ATRNL1: variants seen among roughly 807,000 people sequenced by gnomAD.
The protein encoded by ATRNL1 is attractin like 1.
A neutral mutation model predicts 182.7 loss-of-function variants in ATRNL1; 95 were observed. The ratio of observed to expected loss-of-function variants is 0.52; its 90% confidence interval spans 0.44 to 0.62. The LOEUF is 0.62. Among genes scored for constraint, ATRNL1 ranks in the 20% least tolerant of loss-of-function variants. The probability of loss-of-function intolerance (pLI) is 0.00; values close to 1 mark genes in which losing one functional copy is unlikely to be tolerated. For missense variants in ATRNL1, 1,471 were observed against 1,679.5 expected, an observed-to-expected ratio of 0.88 and a Z score of 2.17; for synonymous variants, 576 against 568.3, an observed-to-expected ratio of 1.01 and a Z score of -0.19.
At chr10:115,442,301 C>G (rs76111546) in intron 21 of ATRNL1, among the ~76,000 whole-genome samples, 21 of 102,830 alleles carry the variant, frequency 2.0e-4, no homozygotes, top group South Asian at 8.3e-4. Context: ...CTCTCTCTCT[C>G]TCTGTGTGTA....
intron 27 of ATRNL1, among the ~76,000 whole-genome samples, chr10:115,754,256 A>C (rs3110771): frequency 6.6e-6 from 1 of 152,176 alleles, no homozygotes; most frequent in African/African-American, 2.4e-5. Flanking sequence ...CCATGCCTAC[A>C]TCCTGAATGG....
rs557636657 is a variant in ATRNL1 at position 115,364,676 on chromosome 10, T to C, written c.3176-29983T>C. On this transcript the variant is annotated intron_variant, in intron 19 of 28. Transcript: ENST00000355044. ...TGGGTTTGTCATAGATAGCTCTTAT[T>C]ATTTTGAGATACATCCCATCAATAC... Among the ~76,000 whole-genome samples, 1,014 of 151,400 alleles carry C rather than the reference T, an allele frequency of 6.7e-3. 31 individuals are homozygous for C. The highest frequency in any genetic ancestry group is 0.024 in the African/African-American group (972 of 40,838).
chr10:115,784,014 A>AAACAAC (rs375974930), intron 27 of ATRNL1, among the ~76,000 whole-genome samples: 13 of 152,086 alleles, frequency 8.5e-5, no homozygotes, highest in African/African-American at 2.9e-4. Context: ...TCCATCCCAA[A>AAACAAC]AACAACAACA....
rs527436811 is a variant in ATRNL1, at chr10:115,104,129, A to T, written c.293+10086A>T. ...TTGAGGAACCTGCAAACTGTTCTGC[A>T]TAGTAGTTACACTAATTTACCTTCC... On this transcript the variant is annotated intron_variant, in intron 1 of 28. Transcript: ENST00000355044. Among the ~76,000 whole-genome samples, 3 of 152,318 alleles carry T rather than the reference A, an allele frequency of 2.0e-5. No homozygotes were observed. The South Asian group carries it at 6.2e-4, about 32-fold the overall frequency.
At chr10:115,488,083 T>C (rs143011317) in intron 24 of ATRNL1, among the ~76,000 whole-genome samples, 2,395 of 152,278 alleles carry the variant, frequency 0.016, 23 homozygotes, top group South Asian at 0.025. Flanking sequence ...GACTTGATTG[T>C]GGTGGATAAG....
chr10:115,304,859 G>GC (rs1853649267), intron 17 of ATRNL1, among the ~76,000 whole-genome samples: 1 of 152,146 alleles, frequency 6.6e-6, no homozygotes, highest in Admixed American at 6.5e-5. Flanking sequence ...CTAATGGCTT[G>GC]CATATGCATA....
In ATRNL1 at chr10:115,191,356, C is replaced by G. The variant is rs550204360; in HGVS notation, c.1348+20064C>G. Among the ~76,000 whole-genome samples, 23 of 152,222 alleles carry G rather than the reference C, an allele frequency of 1.5e-4. No homozygotes were observed. The South Asian group carries it at 4.6e-3, about 30-fold the overall frequency. On this transcript the variant is annotated intron_variant, in intron 8 of 28. Transcript: ENST00000355044. ...CGGCAGTGTATGAGGATTCTCCTTT[C>G]TCCACATCCTCATCAGCATTATTGC...
At chr10:115,820,122 T>C (rs1484806778) in intron 27 of ATRNL1, 1 of 152,106 alleles carries the variant, frequency 6.6e-6, no homozygotes, top group Admixed American at 6.6e-5. Context: ...AAAGCATGAG[T>C]AGGACACAGC....
chr10:115,238,772 C>T (rs1850289444), intron 9 of ATRNL1, among the ~76,000 whole-genome samples: 1 of 152,096 alleles, frequency 6.6e-6, no homozygotes, highest in South Asian at 2.1e-4. Context: ...GCAAGAACTT[C>T]CACTAAAATG....
intron 28 of ATRNL1, among the ~76,000 whole-genome samples, chr10:115,915,324 G>T (rs1216962891): frequency 6.6e-6 from 1 of 152,080 alleles, no homozygotes; most frequent in African/African-American, 2.4e-5. Context: ...CATGAACCTG[G>T]GGGGCGGAGC....
At chr10:115,716,029 A>G (rs572870606) in intron 26 of ATRNL1, among the ~76,000 whole-genome samples, 1 of 152,366 alleles carries the variant, frequency 6.6e-6, no homozygotes, top group South Asian at 2.1e-4. Context: ...TGAGTAATCT[A>G]TGCTACATCA....
rs782065251 is a variant in ATRNL1, at chr10:115,286,379, A to T, written c.2397A>T (p.Ile799=). 1 of 1,583,958 alleles carries T rather than the reference A, an allele frequency of 6.3e-7. No individual in the cohort carries two copies. The highest frequency in any genetic ancestry group is 8.6e-7 in the Non-Finnish European group (1 of 1,158,556). Residue 799 remains isoleucine (I), a synonymous_variant, in exon 15 of 29, where the codon ATA becomes ATT. Transcript: ENST00000355044. Reference sequence around the variant, plus strand: ...AAGTAGAATTTGTTCTGGATGAAATACAGAAGTATACACAACAGGTAACAT... The same window carrying T: ...AAGTAGAATTTGTTCTGGATGAAATTCAGAAGTATACACAACAGGTAACAT... The part of the protein sequence containing the change: ...SKEVEFVLDE[I]QKYTQQKVSP...
chr10:115,790,389 A>G (rs989465316), intron 27 of ATRNL1, among the ~76,000 whole-genome samples: 28 of 152,196 alleles, frequency 1.8e-4, no homozygotes, highest in African/African-American at 6.3e-4. Flanking sequence ...ATAAATGGCA[A>G]CCTCTCAGAT....
At chr10:115,564,076 ATTT>A (rs1427992117) in intron 26 of ATRNL1, among the ~76,000 whole-genome samples, 1 of 151,952 alleles carries the variant, frequency 6.6e-6, no homozygotes, top group Non-Finnish European at 1.5e-5. Flanking sequence ...TGCATAGTAT[ATTT>A]ATTTATTTTT....
At chr10:115,930,759 A>G (rs1953371581) in intron 28 of ATRNL1, among the ~76,000 whole-genome samples, 1 of 152,300 alleles carries the variant, frequency 6.6e-6, no homozygotes, top group Admixed American at 6.5e-5. Context: ...ATTATGAGTT[A>G]ATGTGTTTTT....
chr10:115,872,172 C>T (rs142474828), intron 28 of ATRNL1, among the ~76,000 whole-genome samples: 13 of 152,252 alleles, frequency 8.5e-5, no homozygotes, highest in East Asian at 3.9e-4. Context: ...CTGAAATTAC[C>T]GGGACTTGCA....
At chr10:115,404,253 C>T (rs1554957686) in intron 20 of ATRNL1, among the ~76,000 whole-genome samples, 2 of 152,186 alleles carry the variant, frequency 1.3e-5, no homozygotes. Context: ...GTCATTTAAT[C>T]GCCAATTTTG....
At chr10:115,508,049 G>A (rs1481959838) in intron 24 of ATRNL1, among the ~76,000 whole-genome samples, 1 of 151,972 alleles carries the variant, frequency 6.6e-6, no homozygotes, top group South Asian at 2.1e-4. Context: ...AAGTCTGTTC[G>A]TGCAATTTTT....
intron 26 of ATRNL1, among the ~76,000 whole-genome samples, chr10:115,613,714 G>C (rs1396925374): frequency 2.6e-5 from 4 of 151,964 alleles, no homozygotes; most frequent in African/African-American, 9.7e-5. Context: ...TTTTATATAT[G>C]TTTGGGTTTT....
Sources: allele counts gnomAD v4.1 joint callset (sites outside exome capture counted in the v4.1 genomes callset), GRCh38; gene constraint gnomAD v4.1.1; transcripts MANE v1.5; gene names NCBI Gene and HGNC (gene_info 2026-07-23, HGNC 2026-07-21).